PIWIL2: variants seen among roughly 807,000 people sequenced by gnomAD.
The protein encoded by PIWIL2 is piwi like RNA-mediated gene silencing 2.
A neutral mutation model predicts 116.5 loss-of-function variants in PIWIL2; 81 were observed. That is an observed-to-expected ratio of 0.70 (90% CI 0.58 to 0.84). The LOEUF (loss-of-function observed/expected upper bound fraction) is 0.84, where lower values mean the gene tolerates loss of function less well. PIWIL2 is among the 40% of genes least tolerant of loss of function. The probability of loss-of-function intolerance (pLI) is 0.00; values close to 1 mark genes in which losing one functional copy is unlikely to be tolerated. For missense variants in PIWIL2, 1,272 were observed against 1,212.3 expected, an observed-to-expected ratio of 1.05 and a Z score of -0.73; for synonymous variants, 489 against 429.5, an observed-to-expected ratio of 1.14 and a Z score of -1.71.
chr8:22,290,009 A>T, intron 9 of PIWIL2, 82 bp downstream of exon 9: 1 of 914,030 alleles, frequency 1.1e-6, no homozygotes, highest in Non-Finnish European at 1.8e-6. Flanking sequence ...TAGTACTATA[A>T]TGTCAGCAGT....
At chr8:22,298,004 C>T (rs905213425) in intron 10 of PIWIL2, among the ~76,000 whole-genome samples, 10 of 152,226 alleles carry the variant, frequency 6.6e-5, no homozygotes, top group African/African-American at 2.4e-4. Context: ...TGCTGATAAT[C>T]CCAGCATTTT....
In PIWIL2 at chr8:22,318,174, C is replaced by T. The variant is rs1303111313; in HGVS notation, c.2302C>T (p.Leu768Phe). ...VGFVASINLT[L>F]TKWYSRVVFQ... ...CTCTGCTCACCCTGACCCTAGCACCCTCACAAAATGGTATTCCCGGGTGGT... is the reference window on the plus strand; with the variant it reads ...CTCTGCTCACCCTGACCCTAGCACCTTCACAAAATGGTATTCCCGGGTGGT... Residue 768 changes from leucine (L) to phenylalanine (F), a missense_variant, in exon 20 of 23, where the codon CTC becomes TTC. Leu to Phe is a conservative substitution (Grantham distance 22). Coordinates refer to ENST00000356766, the MANE Select transcript of PIWIL2 (RefSeq NM_018068.5). The T allele has an allele frequency of 1.2e-6, 2 of 1,607,456 alleles. No homozygotes were observed. The highest frequency in any genetic ancestry group is 1.3e-5 in the African/African-American group (1 of 74,888).
chr8:22,283,656 G>T (rs1170381102), intron 5 of PIWIL2, among the ~76,000 whole-genome samples: 3 of 152,240 alleles, frequency 2.0e-5, no homozygotes, highest in East Asian at 3.9e-4. Context: ...TGATCCACCC[G>T]CCTCGGCCTC....
At chr8:22,316,504 T>C (rs946555858) in intron 19 of PIWIL2, among the ~76,000 whole-genome samples, 171 bp downstream of exon 19, 4 of 151,804 alleles carry the variant, frequency 2.6e-5, no homozygotes, top group Non-Finnish European at 5.9e-5. Context: ...GGGGTGGAAA[T>C]GGAGTCTCCC....
In PIWIL2 at chr8:22,318,246, C is replaced by T; in HGVS notation, c.2374C>T (p.Leu792Phe). Residue 792 changes from leucine (L) to phenylalanine (F), a missense_variant, in exon 20 of 23, where the codon CTC becomes TTC. Leu to Phe is a conservative substitution (Grantham distance 22, BLOSUM62 0). Transcript: ENST00000356766. ...QEIVDSLKLC[L>F]VGSLKKFYEV... ...GATTGTGGACAGCCTGAAGCTATGC[C>T]TCGTGGGCTCCTTAAAAAAGTTTTA... 6.2e-7 allele frequency: 1 copy of T among 1,610,006 alleles called. No individual in the cohort carries two copies. The highest frequency in any genetic ancestry group is 8.5e-7 in the Non-Finnish European group (1 of 1,176,564).
At chr8:22,279,605 A>T in intron 2 of PIWIL2, 21 bp downstream of exon 2, 3 of 1,603,424 alleles carry the variant, frequency 1.9e-6, no homozygotes, top group Non-Finnish European at 2.6e-6. Flanking sequence ...TTCCGGATGC[A>T]TAGGAGTGGC....
At chr8:22,304,735 A>T in intron 11 of PIWIL2, 49 bp from the exon 12 acceptor site, 1 of 1,014,352 alleles carries the variant, frequency 9.9e-7, no homozygotes, top group Non-Finnish European at 1.6e-6. Flanking sequence ...GTGCTCTAAG[A>T]GTATTGATGC....
intron 20 of PIWIL2, among the ~76,000 whole-genome samples, chr8:22,330,945 C>T (rs549081914): frequency 3.4e-4 from 52 of 152,046 alleles, no homozygotes; most frequent in African/African-American, 1.2e-3. Context: ...GAGGCTGAGG[C>T]GGGTGGATCC....
intron 22 of PIWIL2, among the ~76,000 whole-genome samples, chr8:22,355,067 CA>C (rs775081187): frequency 0.097 from 9,842 of 100,972 alleles, 341 homozygotes; most frequent in Admixed American, 0.14. Context: ...AAGACTCTGT[CA>C]AAAAAAAAAA....
intron 10 of PIWIL2, among the ~76,000 whole-genome samples, chr8:22,299,941 T>C (rs1831005708): frequency 6.6e-6 from 1 of 150,596 alleles, no homozygotes; most frequent in Non-Finnish European, 1.5e-5. Flanking sequence ...ATTTTATTAT[T>C]TTTTTTTTGG....
rs149199816 is a variant in PIWIL2, at chr8:22,333,648, T to C, written c.2403+15373T>C. Among the ~76,000 whole-genome samples, 654 of 152,094 alleles carry C rather than the reference T, an allele frequency of 4.3e-3. 12 individuals are homozygous for C. The highest frequency in any genetic ancestry group is 0.015 in the African/African-American group (632 of 41,454). On this transcript the variant is annotated intron_variant, in intron 20 of 22. Transcript: ENST00000356766. ...CAAAAAAAATGTTTCTGAACATTTA[T>C]AAGAAATGTTCAGAACACGAACATC...
chr8:22,341,977 TAAAA>T (rs530423710), intron 20 of PIWIL2, among the ~76,000 whole-genome samples: 6 of 121,556 alleles, frequency 4.9e-5, no homozygotes, highest in Non-Finnish European at 7.0e-5. Context: ...TCTATTGCTG[TAAAA>T]AAAAAAAAAA....
chr8:22,292,711 C>A (rs933843927), intron 10 of PIWIL2, among the ~76,000 whole-genome samples: 1 of 152,298 alleles, frequency 6.6e-6, no homozygotes, highest in African/African-American at 2.4e-5. Context: ...GCTTTATAGA[C>A]AGAAAAGGGC....
At chr8:22,334,234 C>T (rs950965190) in intron 20 of PIWIL2, among the ~76,000 whole-genome samples, 1 of 151,868 alleles carries the variant, frequency 6.6e-6, no homozygotes, top group Non-Finnish European at 1.5e-5. Context: ...CTTGGCCTCC[C>T]AAAGTGCTGG....
chr8:22,279,316 CTT>C (rs1830446073), intron 1 of PIWIL2, 23 bp from the exon 2 acceptor site: 11 of 1,216,922 alleles, frequency 9.0e-6, no homozygotes, highest in Non-Finnish European at 1.3e-5. Context: ...AATTGGGAAT[CTT>C]AATCTTTTGA....
At chr8:22,282,603 T>C (rs2131983539) in intron 4 of PIWIL2, among the ~76,000 whole-genome samples, 1 of 152,196 alleles carries the variant, frequency 6.6e-6, no homozygotes, top group East Asian at 1.9e-4. Flanking sequence ...GTTGTGTTTT[T>C]TTTTTGAAAT....
intron 10 of PIWIL2, among the ~76,000 whole-genome samples, chr8:22,290,588 T>A: frequency 6.6e-6 from 1 of 151,416 alleles, no homozygotes; most frequent in East Asian, 1.9e-4. Flanking sequence ...ACTACGGGTG[T>A]GCTACCATGC....
intron 12 of PIWIL2, among the ~76,000 whole-genome samples, chr8:22,305,185 A>ATTTATTTATTTG (rs1831146670): frequency 6.7e-6 from 1 of 150,300 alleles, no homozygotes; most frequent in South Asian, 2.1e-4. Flanking sequence ...TTATTTATTT[A>ATTTATTTATTTG]TTTATTTATT....
chr8:22,348,832 T>G (rs1391587235), intron 20 of PIWIL2, among the ~76,000 whole-genome samples: 1 of 152,212 alleles, frequency 6.6e-6, no homozygotes, highest in African/African-American at 2.4e-5. Context: ...CATAGTTTTA[T>G]AACTTACAAA....
Sources: gnomAD v4.1 joint callset for allele counts (sites outside exome capture counted in the v4.1 genomes callset) on GRCh38, gnomAD v4.1.1 for gene constraint, MANE v1.5 for transcripts, NCBI Gene and HGNC (gene_info 2026-07-23, HGNC 2026-07-21) for gene names.